Variants in BCKDHB observed in about 807,000 individuals in gnomAD.
BCKDHB encodes 2-oxoisovalerate dehydrogenase subunit beta, mitochondrial.
In BCKDHB, 41 loss-of-function variants were observed where a neutral mutation model predicts 48.5. The observed-to-expected ratio is 0.85, with a 90% CI of 0.66 to 1.10. BCKDHB has a LOEUF of 1.10. BCKDHB is among the 50% of genes least tolerant of loss of function. The pLI, the probability that BCKDHB is intolerant of heterozygous loss-of-function variation, is 0.00. For synonymous variants in BCKDHB, 201 were observed against 174.8 expected (o/e 1.15, Z -1.18); for missense variants, 496 against 494.2 (o/e 1.00, Z -0.03).
intron 3 of BCKDHB, among the ~76,000 whole-genome samples, chr6:80,136,119 G>A (rs764976570): frequency 2.1e-4 from 32 of 152,128 alleles, no homozygotes; most frequent in Admixed American, 2.0e-4. Flanking sequence ...TCCTAAGACT[G>A]CTATAAATAC....
At chr6:80,443,707 A>T in the BCKDHB span, among the ~76,000 whole-genome samples, 96,970 of 151,986 alleles carry the variant, frequency 0.64, 36,517 homozygotes, top group East Asian at 0.84. Flanking sequence ...ATGGGGTCTC[A>T]TCATGTTGCC....
intron 9 of BCKDHB, among the ~76,000 whole-genome samples, chr6:80,315,064 A>G (rs1159297198): frequency 1.3e-5 from 2 of 152,070 alleles, no homozygotes; most frequent in East Asian, 1.9e-4. Context: ...TGGAATTCCA[A>G]GCCACTGGGT....
intron 9 of BCKDHB, chr6:80,307,547 G>T: frequency 1.0e-6 from 1 of 984,754 alleles, no homozygotes; most frequent in Non-Finnish European, 1.2e-6. Context: ...AACGTCTCCA[G>T]ATGGGTCCAT....
chr6:80,433,600 T>C, the BCKDHB span, among the ~76,000 whole-genome samples: 1 of 152,186 alleles, frequency 6.6e-6, no homozygotes, highest in Non-Finnish European at 1.5e-5. Flanking sequence ...TGCTGTGCTC[T>C]GTGGGGGTGG....
chr6:80,384,864 ACTT>A, the BCKDHB span, among the ~76,000 whole-genome samples: 1 of 152,094 alleles, frequency 6.6e-6, no homozygotes, highest in Non-Finnish European at 1.5e-5. Flanking sequence ...TTAAGGATGG[ACTT>A]CTTTTGTTGG....
intron 3 of BCKDHB, among the ~76,000 whole-genome samples, chr6:80,137,124 C>T (rs1770929152): frequency 1.3e-5 from 2 of 152,216 alleles, no homozygotes; most frequent in African/African-American, 4.8e-5. Context: ...AAAAATCCAG[C>T]TGAATGAGTT....
chr6:80,212,171 G>A lies in BCKDHB; in HGVS notation c.951+8959G>A, dbSNP rs186381815. 2.3e-3 allele frequency among the ~76,000 whole-genome samples: 351 copies of A among 152,206 alleles called. 6 individuals carry two copies. Among genetic ancestry groups the A allele is most frequent in the East Asian group, 9.7e-4 (5 of 5,176 alleles). ...AAACAACAGAAAACGGGGTTCAAGA[G>A]CAGAGAACCGGTCTGACCACAAATT... On this transcript the variant is annotated intron_variant, in intron 8 of 9. Coordinates refer to ENST00000320393, the MANE Select transcript of BCKDHB (RefSeq NM_183050.4).
chr6:80,307,064 A>G (rs116868880), intron 9 of BCKDHB, among the ~76,000 whole-genome samples: 314 of 152,304 alleles, frequency 2.1e-3, no homozygotes, highest in Non-Finnish European at 3.2e-3. Context: ...TTACATAACT[A>G]GTAGCTAAGT....
At chr6:80,332,885 C>T (rs1033795676) in intron 9 of BCKDHB, among the ~76,000 whole-genome samples, 1 of 150,752 alleles carries the variant, frequency 6.6e-6, no homozygotes, top group African/African-American at 2.4e-5. Context: ...CCATGTCCAT[C>T]CTTCCTCTTA....
intron 6 of BCKDHB, among the ~76,000 whole-genome samples, chr6:80,186,820 C>G (rs1304625193): frequency 2.0e-5 from 3 of 152,196 alleles, no homozygotes; most frequent in Admixed American, 6.5e-5. Flanking sequence ...TGATATTTCA[C>G]TTGGCTGCCT....
At chr6:80,415,950 C>T in the BCKDHB span, among the ~76,000 whole-genome samples, 1 of 151,822 alleles carries the variant, frequency 6.6e-6, no homozygotes, top group African/African-American at 2.4e-5. Context: ...AATTTCAGAG[C>T]TTGTTATTGA....
chr6:80,250,412 A>G (rs913310571), intron 8 of BCKDHB, among the ~76,000 whole-genome samples: 2 of 152,198 alleles, frequency 1.3e-5, no homozygotes, highest in African/African-American at 2.4e-5. Context: ...AGCTTTTGCA[A>G]CATGTATTCA....
At chr6:80,205,252 G>A (rs1562134851) in intron 8 of BCKDHB, among the ~76,000 whole-genome samples, 1 of 151,902 alleles carries the variant, frequency 6.6e-6, no homozygotes, top group East Asian at 1.9e-4. Flanking sequence ...CCCCCAGAGT[G>A]AAGCTTTTTT....
the BCKDHB span, among the ~76,000 whole-genome samples, chr6:80,454,840 T>G: frequency 6.6e-6 from 1 of 152,232 alleles, no homozygotes; most frequent in East Asian, 1.9e-4. Context: ...TGTCCTTTCT[T>G]GTTTATGCCC....
At chr6:80,437,987 C>T in the BCKDHB span, among the ~76,000 whole-genome samples, 1 of 152,258 alleles carries the variant, frequency 6.6e-6, no homozygotes, top group African/African-American at 2.4e-5. Flanking sequence ...GTGTATCTCG[C>T]AGATGTATTT....
the BCKDHB span, among the ~76,000 whole-genome samples, chr6:80,409,007 T>C: frequency 2.6e-5 from 4 of 152,316 alleles, no homozygotes; most frequent in Middle Eastern, 3.4e-3. Flanking sequence ...TTTGCGGGCA[T>C]TTAGTGCTAT....
Position 80,273,233 on chromosome 6 carries a change from T to G in BCKDHB, c.1038+12T>G. On this transcript the variant is annotated intron_variant, in intron 9 of 9. Coordinates refer to ENST00000320393, the MANE Select transcript of BCKDHB (RefSeq NM_183050.4). ...GCTCTACAGTTCAGGTAGAGTAATT[T>G]TTGGAACTGATTTCAATGCTTGTGC... The G allele has an allele frequency of 8.1e-6, 13 of 1,609,112 alleles. No individual in the cohort carries two copies. Among genetic ancestry groups the G allele is most frequent in the Non-Finnish European group, 1.1e-5 (13 of 1,175,716 alleles).
At chr6:80,457,495 C>T in the BCKDHB span, among the ~76,000 whole-genome samples, 4 of 152,184 alleles carry the variant, frequency 2.6e-5, no homozygotes, top group Non-Finnish European at 5.9e-5. Flanking sequence ...CACACTCCCT[C>T]CTGTCTGTTT....
At chr6:80,427,362 A>G in the BCKDHB span, among the ~76,000 whole-genome samples, 2 of 152,088 alleles carry the variant, frequency 1.3e-5, no homozygotes, top group Admixed American at 6.6e-5. Flanking sequence ...ATATTATAGT[A>G]GTGTATTTTC....
Sources: gnomAD v4.1 joint callset for allele counts (sites outside exome capture counted in the v4.1 genomes callset) on GRCh38, gnomAD v4.1.1 for gene constraint, MANE v1.5 for transcripts, NCBI Gene and HGNC (gene_info 2026-07-23, HGNC 2026-07-21) for gene names.